Variants in ZNF208 observed in about 807,000 individuals in gnomAD.
ZNF208 encodes zinc finger protein 95.
In ZNF208, 10 loss-of-function variants were observed where a neutral mutation model predicts 12.1. The ratio of observed to expected loss-of-function variants is 0.83; its 90% CI spans 0.51 to 1.40. ZNF208 has a LOEUF of 1.40. ZNF208 is among the 40% of genes most tolerant of loss of function. The pLI, the probability that ZNF208 is intolerant of heterozygous loss-of-function variation, is 0.00. For missense variants in ZNF208, 1,652 were observed against 1,485.0 expected, an observed-to-expected ratio of 1.11 and a Z score of -1.85; for synonymous variants, 497 against 488.4, an observed-to-expected ratio of 1.02 and a Z score of -0.23.
chr19:21,981,503 T>C (rs913390174), intron 3 of ZNF208, among the ~76,000 whole-genome samples: 2 of 152,146 alleles, frequency 1.3e-5, no homozygotes, highest in African/African-American at 4.8e-5. Flanking sequence ...TCAACAAAAT[T>C]GAACAGCCTT....
chr19:21,976,467 A>T (rs1970432148), intron 3 of ZNF208, among the ~76,000 whole-genome samples: 1 of 152,258 alleles, frequency 6.6e-6, no homozygotes, highest in African/African-American at 2.4e-5. Context: ...AGAATCAAAT[A>T]GAATAGGTAA....
intron 4 of ZNF208, chr19:21,941,017 C>T (rs1323510510): frequency 1.4e-5 from 3 of 221,514 alleles, no homozygotes; most frequent in Non-Finnish European, 2.6e-5. Flanking sequence ...CTGTGCTCAG[C>T]TGGGTCACGA....
At chr19:21,999,392 A>C (rs1970900421) in intron 1 of ZNF208, among the ~76,000 whole-genome samples, 1 of 152,196 alleles carries the variant, frequency 6.6e-6, no homozygotes, top group Non-Finnish European at 1.5e-5. Context: ...CAAACACTAC[A>C]CATAACTATA....
intron 4 of ZNF208, among the ~76,000 whole-genome samples, chr19:21,948,090 C>T (rs1969839573): frequency 6.6e-6 from 1 of 152,030 alleles, no homozygotes; most frequent in East Asian, 1.9e-4. Flanking sequence ...TTCCGCCACA[C>T]CAAAAAGAGA....
Position 21,970,264 on chromosome 19 carries a change from C to T in ZNF208, c.*927G>A, listed in dbSNP as rs1379317158. 6.6e-6 allele frequency among the ~76,000 whole-genome samples: 1 copy of T among 152,118 alleles called. No homozygotes were observed. On this transcript the variant is annotated 3_prime_UTR_variant, in exon 4 of 4. Transcript: ENST00000397126. ...TAGAGGCTTTCCCACATTCTTCACA[C>T]ATGCATGGTTTCTCTCCAGTATGAG... is the stretch of plus-strand genomic sequence containing the variant.
chr19:21,989,010 TATAA>T, intron 1 of ZNF208, 101 bp from the exon 2 acceptor site: 1 of 1,447,750 alleles, frequency 6.9e-7, no homozygotes, highest in Non-Finnish European at 9.4e-7. Flanking sequence ...GGTTCTGACT[TATAA>T]GCATGACTGA....
chr19:21,969,310 G>A lies in ZNF208; in HGVS notation c.*1881C>T, dbSNP rs1970234176. Among the ~76,000 whole-genome samples, 1 of 151,682 alleles carries A rather than the reference G, an allele frequency of 6.6e-6. No individual in the cohort carries two copies. Among genetic ancestry groups the A allele is most frequent in the African/African-American group, 2.4e-5 (1 of 41,306 alleles). On this transcript the variant is annotated 3_prime_UTR_variant, in exon 4 of 4. Coordinates refer to ENST00000397126, the MANE Select transcript of ZNF208 (RefSeq NM_007153.3). ...AAAAATCTGTGTTTTGAAGAAAAAA[G>A]TATACTTTAAATTTAATTATAACTC...
At chr19:21,978,044 C>A (rs2145556763) in intron 3 of ZNF208, among the ~76,000 whole-genome samples, 1 of 152,262 alleles carries the variant, frequency 6.6e-6, no homozygotes. Flanking sequence ...TTGGGCAGGG[C>A]ATCTCTGAAA....
chr19:21,976,089 T>TCTAGCATTATTCTG (rs1970426660), intron 3 of ZNF208, among the ~76,000 whole-genome samples: 1 of 152,096 alleles, frequency 6.6e-6, no homozygotes, highest in African/African-American at 2.4e-5. Context: ...AAATTGAATT[T>TCTAGCATTATTCTG]CTAGCATTAT....
At chr19:21,977,404 C>T (rs1409650082) in intron 3 of ZNF208, among the ~76,000 whole-genome samples, 1 of 152,286 alleles carries the variant, frequency 6.6e-6, no homozygotes, top group African/African-American at 2.4e-5. Context: ...ACTGGTTGAA[C>T]AGTGGGTGCG....
intron 4 of ZNF208, among the ~76,000 whole-genome samples, chr19:21,960,697 T>C (rs552104292): frequency 7.2e-5 from 11 of 152,302 alleles, no homozygotes; most frequent in Non-Finnish European, 1.6e-4. Context: ...AGTCAGTATA[T>C]TGTAGCTTTT....
intron 4 of ZNF208, among the ~76,000 whole-genome samples, chr19:21,960,639 A>G (rs1859092): frequency 0.61 from 92,120 of 152,066 alleles, 28,715 homozygotes; most frequent in African/African-American, 0.74. Flanking sequence ...ATATGATTGC[A>G]GGGTCACCCC....
At chr19:21,960,264 T>A (rs534336624) in intron 4 of ZNF208, among the ~76,000 whole-genome samples, 106 of 152,190 alleles carry the variant, frequency 7.0e-4, no homozygotes, top group African/African-American at 2.4e-3. Context: ...ATCCAAAAAA[T>A]GTTTAAAAAC....
rs8108957 is a variant in ZNF208 at position 21,971,930 on chromosome 19, T to G, written c.3104A>C (p.Asp1035Ala). Residue 1035 changes from aspartate (D) to alanine (A), a missense_variant, in exon 4 of 4, where the codon GAC (aspartate) becomes GCC (alanine). By Grantham distance (126) the Asp-to-Ala change is moderately radical. Around this residue, in one of 3 missense-constraint regions of ZNF208, gnomAD observed 1,239 missense variants for 1,086.2 expected, o/e 1.14. Coordinates refer to ENST00000397126, the MANE Select transcript of ZNF208 (RefSeq NM_007153.3). Reference protein sequence around the residue: ...GETPYKCEECDKAFSWPSSLT... With the variant: ...GETPYKCEECAKAFSWPSSLT... ...GCTTGAGGGCCAGCTGAAGGCTTTG[T>G]CACATTCTTCACATTTGTAGGGTGT... The G allele has an allele frequency of 6.2e-7, 1 of 1,609,198 alleles. No homozygotes were observed. Among genetic ancestry groups the G allele is most frequent in the Non-Finnish European group, 8.5e-7 (1 of 1,179,218 alleles).
intron 4 of ZNF208, among the ~76,000 whole-genome samples, chr19:21,960,869 T>C (rs936287701): frequency 6.6e-6 from 1 of 152,174 alleles, no homozygotes; most frequent in African/African-American, 2.4e-5. Flanking sequence ...AGAGTCTCTA[T>C]GGACAGTTTT....
At chr19:21,961,930 T>C (rs544071403), downstream of ZNF208, among the ~76,000 whole-genome samples, 8 of 152,142 alleles carry the variant, frequency 5.3e-5, no homozygotes, top group Non-Finnish European at 1.0e-4. Flanking sequence ...TACAATCAAT[T>C]TGTACAATAC....
intron 4 of ZNF208, chr19:21,940,667 G>A (rs1485265905): frequency 6.6e-6 from 1 of 152,400 alleles, no homozygotes; most frequent in African/African-American, 2.4e-5. Context: ...TCCCCGCGGT[G>A]GCAGTGGCTG....
rs1970290140 is a variant in ZNF208, at chr19:21,971,747, C to G, written c.3287G>C (p.Trp1096Ser). The change falls in exon 4 of 4, where the codon TGG becomes TCG. Residue 1096 changes from tryptophan to serine, a missense_variant. Transcript: ENST00000397126. ...KCEECGKAFN[W>S]SSNLMEHKRI... ...CTTATGTTCCATAAGGTTTGAGGAC[C>G]AGTTGAAAGCTTTGCCACATTCTTC... 2 of 1,612,838 alleles carry G rather than the reference C, an allele frequency of 1.2e-6. No individual in the cohort carries two copies. The highest frequency in any genetic ancestry group is 2.7e-5 in the African/African-American group (2 of 74,600).
chr19:22,010,713 G>A, intron 1 of ZNF208, 79 bp downstream of exon 1: 1 of 1,610,154 alleles, frequency 6.2e-7, no homozygotes, highest in South Asian at 1.1e-5. Context: ...GGGGAGGCCT[G>A]AGTCCCGCCA....
Sources: allele counts gnomAD v4.1 joint callset (sites outside exome capture counted in the v4.1 genomes callset), GRCh38; gene constraint gnomAD v4.1.1; regional missense constraint gnomAD v4.1.1; transcripts MANE v1.5; gene names NCBI Gene and HGNC (gene_info 2026-07-23, HGNC 2026-07-21).